Variants in EYS observed in about 807,000 individuals in gnomAD.
EYS encodes protein eyes shut homolog.
In EYS, 250 loss-of-function variants were observed where a neutral mutation model predicts 282.1. The ratio of observed to expected loss-of-function variants is 0.89; its 90% CI spans 0.80 to 0.98. The LOEUF (loss-of-function observed/expected upper bound fraction) is 0.98. Among genes scored for constraint, EYS ranks in the 50% least tolerant of loss-of-function variants. The probability of loss-of-function intolerance (pLI) is 0.00; values close to 1 mark genes in which losing one functional copy is unlikely to be tolerated. For synonymous variants in EYS, 1,355 were observed against 1,282.9 expected (o/e 1.06, Z -1.20); for missense variants, 4,016 against 3,709.0 (o/e 1.08, Z -2.15).
At chr6:65,234,821 T>G (rs1766883218) in intron 12 of EYS, among the ~76,000 whole-genome samples, 1 of 152,176 alleles carries the variant, frequency 6.6e-6, no homozygotes, top group Non-Finnish European at 1.5e-5. Context: ...TCTCATTAAT[T>G]GAATTTCCAG....
chr6:65,087,217 T>A (rs1774407940), intron 12 of EYS, among the ~76,000 whole-genome samples: 1 of 152,038 alleles, frequency 6.6e-6, no homozygotes, highest in Admixed American at 6.6e-5. Flanking sequence ...ACACACTAGA[T>A]CCCATATTTC....
chr6:65,265,148 T>C (rs1357574364), intron 12 of EYS, among the ~76,000 whole-genome samples: 1 of 151,994 alleles, frequency 6.6e-6, no homozygotes, highest in Admixed American at 6.6e-5. Context: ...GGTGCTAAGC[T>C]TAATACCTGG....
At chr6:64,000,435 T>TC (rs139705207) in intron 33 of EYS, among the ~76,000 whole-genome samples, 4,364 of 150,460 alleles carry the variant, frequency 0.029, 207 homozygotes, top group African/African-American at 0.1. Flanking sequence ...TCGTGATCCA[T>TC]CCCCCCTCCC....
intron 36 of EYS, among the ~76,000 whole-genome samples, chr6:63,854,008 G>A (rs1772327318): frequency 1.3e-5 from 2 of 152,204 alleles, no homozygotes; most frequent in South Asian, 4.1e-4. Flanking sequence ...CTGTTGGTGG[G>A]AGTGTAAATT....
chr6:65,458,909 A>G (rs1376401359), intron 5 of EYS, among the ~76,000 whole-genome samples: 1 of 152,068 alleles, frequency 6.6e-6, no homozygotes, highest in Middle Eastern at 3.2e-3. Flanking sequence ...TAGCATATAT[A>G]TATTTATAGA....
chr6:64,778,158 C>G (rs1325768318), intron 22 of EYS, among the ~76,000 whole-genome samples: 1 of 152,040 alleles, frequency 6.6e-6, no homozygotes, highest in Non-Finnish European at 1.5e-5. Context: ...GGAGCGAATG[C>G]CTTCATGATT....
At position 64,033,065 on chromosome 6, in the gene EYS, G is replaced by A. The variant is rs115705955; in HGVS notation, c.6725+33273C>T. Among the ~76,000 whole-genome samples the A allele has an allele frequency of 9.0e-3, 1,370 of 152,260 alleles. 17 individuals carry two copies. The highest frequency in any genetic ancestry group is 0.031 in the African/African-American group (1,268 of 41,528). The stretch of plus-strand genomic sequence containing the variant: ...TAACAGAAGATGCTCCTATCACTCA[G>A]GAGGTTACAAGAATTTTAGAAGCTC... On this transcript the variant is annotated intron_variant, in intron 33 of 42. Transcript: ENST00000503581.
intron 13 of EYS, among the ~76,000 whole-genome samples, chr6:65,039,708 AT>A (rs1772875693): frequency 6.6e-6 from 1 of 151,512 alleles, no homozygotes; most frequent in African/African-American, 2.4e-5. Context: ...TGCAGATTTT[AT>A]AAAAAGATAT....
At chr6:64,364,255 TCTGTTCTTAGTAG>T (rs1413040797) in intron 29 of EYS, among the ~76,000 whole-genome samples, 4 of 151,928 alleles carry the variant, frequency 2.6e-5, no homozygotes, top group Non-Finnish European at 4.4e-5. Context: ...TTCTTCTGTT[TCTGTTCTTAGTAG>T]CTGTGTAAAC....
intron 33 of EYS, among the ~76,000 whole-genome samples, chr6:64,051,472 G>A (rs989074972): frequency 3.3e-5 from 5 of 152,092 alleles, no homozygotes; most frequent in African/African-American, 7.2e-5. Context: ...AATGTAGAAC[G>A]GAATAGGATG....
chr6:64,291,712 T>G (rs565358305), intron 30 of EYS, among the ~76,000 whole-genome samples: 1 of 152,250 alleles, frequency 6.6e-6, no homozygotes, highest in East Asian at 1.9e-4. Context: ...CTTAAGTGTC[T>G]TTGTCTCTAT....
intron 12 of EYS, among the ~76,000 whole-genome samples, chr6:65,192,605 C>T (rs1281590767): frequency 6.6e-6 from 1 of 151,650 alleles, no homozygotes; most frequent in East Asian, 1.9e-4. Flanking sequence ...TAATAAATAT[C>T]TAACAGTCTA....
chr6:65,050,102 G>T (rs1773224795), intron 13 of EYS, among the ~76,000 whole-genome samples: 1 of 151,584 alleles, frequency 6.6e-6, no homozygotes. Context: ...GTTTGGCCAA[G>T]ATATTAAAGA....
At chr6:65,489,345 T>G (rs576002583) in intron 5 of EYS, 7 of 152,184 alleles carry the variant, frequency 4.6e-5, no homozygotes, top group Admixed American at 1.3e-4. Context: ...CAAAAGAATA[T>G]CTTTATGCAG....
At chr6:63,939,848 T>C (rs1435364145) in intron 35 of EYS, among the ~76,000 whole-genome samples, 2 of 152,208 alleles carry the variant, frequency 1.3e-5, no homozygotes, top group Non-Finnish European at 2.9e-5. Context: ...ACTTAAAGAC[T>C]GTACATGGTG....
intron 31 of EYS, among the ~76,000 whole-genome samples, chr6:64,170,234 T>TA (rs143645219): frequency 6.6e-5 from 10 of 152,138 alleles, no homozygotes; most frequent in South Asian, 6.2e-4. Flanking sequence ...TAACAGAAAA[T>TA]AAAAAAATCT....
chr6:64,676,672 A>G (rs1280149321), intron 22 of EYS, among the ~76,000 whole-genome samples: 3 of 152,138 alleles, frequency 2.0e-5, no homozygotes, highest in African/African-American at 7.2e-5. Flanking sequence ...TATGAATAAT[A>G]GAAATTCTTT....
intron 31 of EYS, among the ~76,000 whole-genome samples, chr6:64,208,309 G>C (rs1229877660): frequency 6.6e-6 from 1 of 152,046 alleles, no homozygotes; most frequent in Non-Finnish European, 1.5e-5. Context: ...AGCCATTTAT[G>C]TATTTTTGGA....
chr6:64,630,316 C>T (rs1767737778), intron 22 of EYS, among the ~76,000 whole-genome samples: 1 of 152,092 alleles, frequency 6.6e-6, no homozygotes, highest in African/African-American at 2.4e-5. Context: ...CCAGGATGGT[C>T]TCGATCTCCT....
Sources: gnomAD v4.1 joint callset for allele counts (sites outside exome capture counted in the v4.1 genomes callset) on GRCh38, gnomAD v4.1.1 for gene constraint, MANE v1.5 for transcripts, NCBI Gene and HGNC (gene_info 2026-07-23, HGNC 2026-07-21) for gene names.